SCUBE1: variants seen among roughly 807,000 people sequenced by gnomAD.
The protein encoded by SCUBE1 is signal peptide, CUB and EGF-like domain-containing protein 1.
SCUBE1 carries 59 observed loss-of-function variants against 124.4 expected under a neutral mutation model. That is an observed-to-expected ratio of 0.47 (90% CI 0.38 to 0.59). SCUBE1 has a LOEUF of 0.59. Ranked by LOEUF, SCUBE1 falls within the 20% of genes least tolerant of loss-of-function variation. The pLI, the probability that SCUBE1 is intolerant of heterozygous loss-of-function variation, is 0.00. For synonymous variants in SCUBE1, 545 were observed against 550.9 expected (o/e 0.99, Z 0.15); for missense variants, 1,150 against 1,371.2 (o/e 0.84, Z 2.55).
At chr22:43,269,782 G>T (rs1036267330) in intron 4 of SCUBE1, among the ~76,000 whole-genome samples, 1 of 152,212 alleles carries the variant, frequency 6.6e-6, no homozygotes, top group Non-Finnish European at 1.5e-5. Context: ...TCCAAGCCAT[G>T]CAGGGAAAAA....
chr22:43,280,564 C>CCTT (rs1924756483), intron 4 of SCUBE1, among the ~76,000 whole-genome samples: 1 of 149,930 alleles, frequency 6.7e-6, no homozygotes, highest in Non-Finnish European at 1.5e-5. Context: ...CCTCACCCAT[C>CCTT]CTGCTGTCCC....
At chr22:43,283,132 G>A (rs1924992950) in intron 4 of SCUBE1, 1 of 152,348 alleles carries the variant, frequency 6.6e-6, no homozygotes, top group Non-Finnish European at 1.5e-5. Flanking sequence ...GGCACATGTA[G>A]ATTTGGGGAC....
At chr22:43,212,210 C>G (rs1201365618) in intron 17 of SCUBE1, among the ~76,000 whole-genome samples, 1 of 152,206 alleles carries the variant, frequency 6.6e-6, no homozygotes, top group Non-Finnish European at 1.5e-5. Context: ...GCTGCTGTTC[C>G]CCCTGGAGCT....
intron 6 of SCUBE1, among the ~76,000 whole-genome samples, chr22:43,247,231 T>C (rs1208021415): frequency 6.6e-6 from 1 of 152,212 alleles, no homozygotes; most frequent in African/African-American, 2.4e-5. Context: ...CAGGGCCAGG[T>C]GCAGCCTGTC....
At chr22:43,233,722 C>G (rs1011797940) in intron 7 of SCUBE1, 5 of 152,282 alleles carry the variant, frequency 3.3e-5, no homozygotes, top group Non-Finnish European at 7.3e-5. Flanking sequence ...ATGTCGCTCT[C>G]ACTTTTTCTT....
intron 19 of SCUBE1, among the ~76,000 whole-genome samples, chr22:43,208,829 T>C (rs1921410080): frequency 6.6e-6 from 1 of 152,172 alleles, no homozygotes; most frequent in Non-Finnish European, 1.5e-5. Flanking sequence ...AACCATCCTT[T>C]TCTCAGACAC....
rs1921061930 is a variant in SCUBE1, at chr22:43,202,868, C to A, written c.*1129G>T. ...TTCCTCACTGGCCGCTCTGAGGCTC[C>A]TTGTGGTGGTACAGCCTGTGCTCCT... On this transcript the variant is annotated 3_prime_UTR_variant, in exon 22 of 22. Coordinates refer to ENST00000360835, the MANE Select transcript of SCUBE1 (RefSeq NM_173050.5). 1 of 152,350 alleles carries A rather than the reference C, an allele frequency of 6.6e-6. No homozygotes were observed. Among genetic ancestry groups the A allele is most frequent in the South Asian group, 2.1e-4 (1 of 4,838 alleles). The allele number at this position is 152,350 out of a possible 1,614,324, so 9.4% of individuals were successfully genotyped here.
chr22:43,294,459 T>G (rs1416213236), intron 3 of SCUBE1, among the ~76,000 whole-genome samples: 1 of 152,150 alleles, frequency 6.6e-6, no homozygotes, highest in Non-Finnish European at 1.5e-5. Flanking sequence ...CAGGGCACTA[T>G]GAGAAACAGT....
At position 43,198,483 on chromosome 22, in the gene SCUBE1, G is replaced by A. The variant is rs1453265156; in HGVS notation, c.*5514C>T. On this transcript the variant is annotated 3_prime_UTR_variant, in exon 22 of 22. Transcript: ENST00000360835. ...CTGCCCAGGACTTACTCCTGGAAGGGCCAGGGATCTGTGGGTGCTGTGGGG... is the reference window on the plus strand; with the variant it reads ...CTGCCCAGGACTTACTCCTGGAAGGACCAGGGATCTGTGGGTGCTGTGGGG... 2.2e-6 allele frequency: 1 copy of A among 449,604 alleles called. No individual in the cohort carries two copies. Among genetic ancestry groups the A allele is most frequent in the Non-Finnish European group, 4.5e-6 (1 of 223,006 alleles). 27.9% of individuals were successfully genotyped at this position (449,604 alleles called of 1,614,324 possible). A position where few individuals can be genotyped will look rare whatever the true frequency, so the allele number is the denominator to read the frequency against.
At chr22:43,249,697 G>A (rs1923363841) in intron 6 of SCUBE1, among the ~76,000 whole-genome samples, 1 of 152,234 alleles carries the variant, frequency 6.6e-6, no homozygotes, top group Non-Finnish European at 1.5e-5. Flanking sequence ...GGGCTCAGAG[G>A]GGTGAGGCTG....
At chr22:43,301,914 T>C (rs771410898) in intron 3 of SCUBE1, among the ~76,000 whole-genome samples, 1 of 152,254 alleles carries the variant, frequency 6.6e-6, no homozygotes, top group Non-Finnish European at 1.5e-5. Flanking sequence ...AAGGATGAGC[T>C]GCATGGCCTT....
intron 6 of SCUBE1, among the ~76,000 whole-genome samples, chr22:43,245,586 T>C (rs777079256): frequency 2.6e-5 from 4 of 152,142 alleles, no homozygotes; most frequent in Non-Finnish European, 4.4e-5. Context: ...GCTGCTCGTG[T>C]CTAAGGCTGC....
intron 3 of SCUBE1, among the ~76,000 whole-genome samples, chr22:43,313,903 C>G (rs1926253523): frequency 6.6e-6 from 1 of 152,258 alleles, no homozygotes; most frequent in African/African-American, 2.4e-5. Context: ...ACTTTTCAAA[C>G]TGGCCTGTTT....
At position 43,234,861 on chromosome 22, in the gene SCUBE1, G is replaced by A. The variant is rs1922694869; in HGVS notation, c.845-2986C>T. Among the ~76,000 whole-genome samples the A allele has an allele frequency of 6.6e-6, 1 of 152,166 alleles. No homozygotes were observed. Among genetic ancestry groups the A allele is most frequent in the South Asian group, 2.1e-4 (1 of 4,828 alleles). ...CCTTCCAGCCCGGCCAGGCTGCTTT[G>A]CCTCCTTTCTCCAGGCTGCTTGGCT... is the stretch of plus-strand genomic sequence containing the variant. On this transcript the variant is annotated intron_variant, in intron 7 of 21. Transcript: ENST00000360835. The surrounding 1 kb of genome is among the most constrained non-coding windows in gnomAD (Gnocchi z 4.4).
chr22:43,309,071 G>A (rs1039891843), intron 3 of SCUBE1, among the ~76,000 whole-genome samples: 25 of 152,272 alleles, frequency 1.6e-4, no homozygotes, highest in Admixed American at 1.6e-3. Flanking sequence ...GGAATGAGGA[G>A]CAGGGCCCAG....
intron 3 of SCUBE1, among the ~76,000 whole-genome samples, chr22:43,308,055 C>T (rs1926037696): frequency 7.3e-6 from 1 of 136,576 alleles, no homozygotes; most frequent in Non-Finnish European, 1.6e-5. Context: ...CACTCCACCC[C>T]GAAACACACA....
intron 4 of SCUBE1, among the ~76,000 whole-genome samples, chr22:43,278,187 C>A (rs879058595): frequency 6.6e-6 from 1 of 152,266 alleles, no homozygotes; most frequent in Non-Finnish European, 1.5e-5. Context: ...CCAGGACAGG[C>A]CTCCTCCGGT....
intron 6 of SCUBE1, among the ~76,000 whole-genome samples, chr22:43,251,018 T>C (rs901633742): frequency 6.6e-6 from 1 of 152,284 alleles, no homozygotes; most frequent in African/African-American, 2.4e-5. Flanking sequence ...AGGGTCTTCA[T>C]CTGTGAAGTG....
chr22:43,250,600 G>A (rs924651643), intron 6 of SCUBE1, among the ~76,000 whole-genome samples: 7 of 152,196 alleles, frequency 4.6e-5, no homozygotes, highest in South Asian at 2.1e-4. Flanking sequence ...TCAGGGGTGC[G>A]GGGAGAGGAG....
Sources: gnomAD v4.1 joint callset for allele counts (sites outside exome capture counted in the v4.1 genomes callset) on GRCh38, gnomAD v4.1.1 for gene constraint, Gnocchi (gnomAD v3.1) non-coding constraint, MANE v1.5 for transcripts, NCBI Gene and HGNC (gene_info 2026-07-23, HGNC 2026-07-21) for gene names.